Variants in MTAP observed in about 807,000 individuals in gnomAD.
MTAP encodes the protein methylthioadenosine phosphorylase.
In MTAP, 33 loss-of-function variants were observed where a neutral mutation model predicts 33.6. The ratio of observed to expected loss-of-function variants is 0.98; its 90% confidence interval spans 0.74 to 1.31. MTAP has a LOEUF of 1.31. Among genes scored for constraint, MTAP ranks in the 40% most tolerant of loss-of-function variants. The probability of loss-of-function intolerance (pLI) is 0.00; values close to 1 mark genes in which losing one functional copy is unlikely to be tolerated. For synonymous variants in MTAP, 148 were observed against 125.7 expected (o/e 1.18, Z -1.19); for missense variants, 367 against 360.0 (o/e 1.02, Z -0.16).
At chr9:21,918,006 T>C (rs1415404271) in intron 1 of MTAP, among the ~76,000 whole-genome samples, 1 of 152,200 alleles carries the variant, frequency 6.6e-6, no homozygotes, top group African/African-American at 2.4e-5. Flanking sequence ...AACCCAATAT[T>C]GTATGTTTTC....
chr9:21,803,745 AGAAATTTTT>A (rs1309114874), intron 1 of MTAP, among the ~76,000 whole-genome samples: 1 of 152,002 alleles, frequency 6.6e-6, no homozygotes, highest in Admixed American at 6.6e-5. Context: ...TTTGATTTTT[AGAAATTTTT>A]GGCCTATGGG....
At chr9:21,861,017 C>T (rs1354846907) in intron 7 of MTAP, 1 of 152,224 alleles carries the variant, frequency 6.6e-6, no homozygotes, top group South Asian at 2.1e-4. Flanking sequence ...CCGCTTTGGC[C>T]TCCCAAAGTG....
In MTAP at chr9:21,865,085, C is replaced by T. The variant is rs145619948; in HGVS notation, c.*3071C>T. 3.7e-5 allele frequency: 36 copies of T among 985,380 alleles called. No homozygotes were observed. In the East Asian group the frequency reaches 6.8e-4, roughly 19 times the overall value. The allele number at this position is 985,380 out of a possible 1,614,324, so 61.0% of individuals were successfully genotyped here. A position where few individuals can be genotyped will look rare whatever the true frequency, so the allele number is the denominator to read the frequency against. On this transcript the variant is annotated 3_prime_UTR_variant, in exon 8 of 8. Coordinates refer to ENST00000644715, the MANE Select transcript of MTAP (RefSeq NM_002451.4). Reference sequence around the variant, plus strand: ...AGAGTCCCTCCTTGATAAGGTTTGGCGGTGTCCCCACCCAAATCTCATGTT... The same window carrying T: ...AGAGTCCCTCCTTGATAAGGTTTGGTGGTGTCCCCACCCAAATCTCATGTT...
intron 1 of MTAP, among the ~76,000 whole-genome samples, chr9:21,872,680 G>A (rs944511841): frequency 1.3e-5 from 2 of 152,194 alleles, no homozygotes; most frequent in African/African-American, 4.8e-5. Flanking sequence ...ATTGCATTAT[G>A]AAAATGCTAT....
rs765432220 is a variant in MTAP, at chr9:21,865,403, T to C, written c.*3389T>C. On this transcript the variant is annotated 3_prime_UTR_variant, in exon 8 of 8. Coordinates refer to ENST00000644715, the MANE Select transcript of MTAP (RefSeq NM_002451.4). ...CTTTCCTTTATAAATTACCCAGTCA[T>C]GGGCAGTCCTTTACAGCAGCATGAG... 1.9e-4 allele frequency: 186 copies of C among 971,442 alleles called. No homozygotes were observed. The highest frequency in any genetic ancestry group is 1.6e-3 in the Middle Eastern group (3 of 1,900). 60.2% of individuals were successfully genotyped at this position (971,442 alleles called of 1,614,324 possible). A position where few individuals can be genotyped will look rare whatever the true frequency, so the allele number is the denominator to read the frequency against.
intron 1 of MTAP, among the ~76,000 whole-genome samples, chr9:21,873,970 T>C (rs1825971289): frequency 6.6e-6 from 1 of 152,176 alleles, no homozygotes; most frequent in South Asian, 2.1e-4. Context: ...GGAAATAGTG[T>C]TATCAAACTG....
Position 21,863,047 on chromosome 9 carries a change from A to G in MTAP, c.*1033A>G. The G allele has an allele frequency of 1.0e-6, 1 of 985,454 alleles. No individual in the cohort carries two copies. The highest frequency in any genetic ancestry group is 1.2e-6 in the Non-Finnish European group (1 of 829,914). The allele number at this position is 985,454 out of a possible 1,614,324, so 61.0% of individuals were successfully genotyped here. A position where few individuals can be genotyped will look rare whatever the true frequency, so the allele number is the denominator to read the frequency against. ...GGGAGTTACATCTTTATTCTGCTAA[A>G]GAAGAGGATCATTGATTTCTGTACA... On this transcript the variant is annotated 3_prime_UTR_variant, in exon 8 of 8. Transcript: ENST00000644715.
At chr9:21,909,622 A>T (rs551739296) in intron 1 of MTAP, among the ~76,000 whole-genome samples, 1 of 152,184 alleles carries the variant, frequency 6.6e-6, no homozygotes, top group Non-Finnish European at 1.5e-5. Flanking sequence ...AAGTAAGCCT[A>T]GATGCCCATT....
chr9:21,845,650 C>G (rs934679604), intron 5 of MTAP, among the ~76,000 whole-genome samples: 5 of 152,096 alleles, frequency 3.3e-5, no homozygotes, highest in Non-Finnish European at 7.4e-5. Flanking sequence ...GTACCACCAT[C>G]ATTCTTCACA....
intron 1 of MTAP, among the ~76,000 whole-genome samples, chr9:21,882,439 G>A (rs540353298): frequency 9.9e-5 from 15 of 152,010 alleles, no homozygotes; most frequent in South Asian, 4.1e-4. Flanking sequence ...TTATTGATCC[G>A]AAGAGTTAAT....
rs117476863 is a variant in MTAP, at chr9:21,817,506, C to T, written c.180-529C>T. On this transcript the variant is annotated intron_variant, in intron 3 of 7. Coordinates refer to ENST00000644715, the MANE Select transcript of MTAP (RefSeq NM_002451.4). ...AATTCACTCCCTAGAAGTTACAGGG[C>T]GGAGGCCTTTGGCTCCTAGAGGTGG... is the stretch of plus-strand genomic sequence containing the variant. Among the ~76,000 whole-genome samples the T allele has an allele frequency of 3.4e-3, 521 of 152,114 alleles. 1 individual carries two copies. The highest frequency in any genetic ancestry group is 0.014 in the Middle Eastern group (4 of 294).
chr9:21,879,473 C>A (rs953641277), intron 1 of MTAP, among the ~76,000 whole-genome samples: 6 of 152,072 alleles, frequency 3.9e-5, no homozygotes, highest in African/African-American at 1.4e-4. Context: ...CTCTTGAAGA[C>A]AGCATGCCAC....
intron 4 of MTAP, among the ~76,000 whole-genome samples, chr9:21,823,399 T>A (rs1020250290): frequency 1.3e-5 from 2 of 152,222 alleles, no homozygotes; most frequent in African/African-American, 4.8e-5. Context: ...TATGAAATTC[T>A]GGGTTGAAAA....
At chr9:21,923,147 T>C (rs1818816061) in intron 1 of MTAP, among the ~76,000 whole-genome samples, 1 of 152,180 alleles carries the variant, frequency 6.6e-6, no homozygotes, top group African/African-American at 2.4e-5. Flanking sequence ...TCTTGTTGCA[T>C]TTGTACAGCA....
chr9:21,890,805 A>G, intron 1 of MTAP, among the ~76,000 whole-genome samples: 1 of 152,184 alleles, frequency 6.6e-6, no homozygotes, highest in Non-Finnish European at 1.5e-5. Flanking sequence ...GCTGTCTCAC[A>G]GAGCTTGCAG....
intron 1 of MTAP, chr9:21,929,560 G>T: frequency 2.8e-6 from 1 of 355,300 alleles, no homozygotes; most frequent in Non-Finnish European, 5.9e-6. Context: ...CCAAAACACA[G>T]GATCCCCTTA....
intron 5 of MTAP, among the ~76,000 whole-genome samples, chr9:21,853,102 C>T (rs968875459): frequency 5.3e-5 from 8 of 152,162 alleles, no homozygotes; most frequent in African/African-American, 1.9e-4. Context: ...ATATTCATAG[C>T]CTCCATTTCT....
Position 21,854,706 on chromosome 9 carries a change from C to T in MTAP, c.526C>T (p.Arg176Cys), listed in dbSNP as rs569692278. Residue 176 changes from arginine to cysteine, a missense_variant, in exon 6 of 8, where the codon CGT (arginine) becomes TGT (cysteine). Physicochemically the swap from Arg to Cys is radical, Grantham distance 180. Transcript: ENST00000644715. ...KGTMVTIEGP[R>C]FSSRAESFMF... ...GACAATGGTCACAATCGAGGGACCTCGTTTTAGCTCCCGGGCAGAAAGCTT... is the reference window on the plus strand; with the variant it reads ...GACAATGGTCACAATCGAGGGACCTTGTTTTAGCTCCCGGGCAGAAAGCTT... The T allele has an allele frequency of 5.0e-6, 8 of 1,614,054 alleles. No homozygotes were observed. Among genetic ancestry groups the T allele is most frequent in the South Asian group, 2.2e-5 (2 of 91,074 alleles).
intron 1 of MTAP, among the ~76,000 whole-genome samples, chr9:21,903,512 A>T (rs959946112): frequency 3.9e-5 from 6 of 152,086 alleles, no homozygotes; most frequent in African/African-American, 1.4e-4. Flanking sequence ...TACCCCCATA[A>T]CATCATTAAA....
Sources: allele counts gnomAD v4.1 joint callset (sites outside exome capture counted in the v4.1 genomes callset), GRCh38; gene constraint gnomAD v4.1.1; transcripts MANE v1.5; gene names NCBI Gene and HGNC (gene_info 2026-07-23, HGNC 2026-07-21).